DRAM1: variants seen among roughly 807,000 people sequenced by gnomAD.
DRAM1 encodes the protein DNA damage-regulated autophagy modulator protein 1.
Under a neutral mutation model 28.5 loss-of-function variants are expected in DRAM1, and 25 were observed. The observed-to-expected ratio is 0.88, with a 90% CI of 0.64 to 1.23. The LOEUF (loss-of-function observed/expected upper bound fraction) is 1.23. DRAM1 is among the 50% of genes most tolerant of loss of function. The pLI, the probability that DRAM1 is intolerant of heterozygous loss-of-function variation, is 0.00. For synonymous variants in DRAM1, 113 were observed against 114.2 expected, an observed-to-expected ratio of 0.99 and a Z score of 0.07; for missense variants, 249 against 299.2, an observed-to-expected ratio of 0.83 and a Z score of 1.24.
At chr12:101,882,634 T>C (rs1332932720) in intron 1 of DRAM1, among the ~76,000 whole-genome samples, 1 of 151,280 alleles carries the variant, frequency 6.6e-6, no homozygotes, top group East Asian at 2.1e-4. Context: ...AAATTAAAAC[T>C]CACTGATGCC....
intron 1 of DRAM1, among the ~76,000 whole-genome samples, chr12:101,896,985 C>G (rs1330844261): frequency 1.3e-5 from 2 of 152,028 alleles, no homozygotes; most frequent in South Asian, 4.1e-4. Context: ...TGAGGCTTCT[C>G]CATGTTGGTC....
intron 4 of DRAM1, among the ~76,000 whole-genome samples, chr12:101,911,425 C>T (rs915783922): frequency 3.3e-5 from 5 of 152,194 alleles, no homozygotes; most frequent in Admixed American, 2.0e-4. Context: ...TGAAAGCCTT[C>T]GCAGAACTCA....
chr12:101,921,292 G>T lies in DRAM1; in HGVS notation c.*32G>T. 1 of 1,582,756 alleles carries T rather than the reference G, an allele frequency of 6.3e-7. No individual in the cohort carries two copies. The highest frequency in any genetic ancestry group is 2.2e-5 in the East Asian group (1 of 44,700). On this transcript the variant is annotated 3_prime_UTR_variant, in exon 7 of 7. Transcript: ENST00000258534. ...AAGAATTCAGTCTCACTCAGTGAATGTCGCAGGCCATTTCTAAAAGTGCTA... is the reference window on the plus strand; with the variant it reads ...AAGAATTCAGTCTCACTCAGTGAATTTCGCAGGCCATTTCTAAAAGTGCTA...
At chr12:101,918,745 A>G (rs12305143) in intron 5 of DRAM1, among the ~76,000 whole-genome samples, 37,258 of 151,898 alleles carry the variant, frequency 0.25, 6,291 homozygotes, top group African/African-American at 0.49. Context: ...ATGCAGCTTC[A>G]GAAGGCATGG....
intron 5 of DRAM1, among the ~76,000 whole-genome samples, chr12:101,915,852 G>A (rs540491275): frequency 1.1e-4 from 16 of 152,184 alleles, no homozygotes; most frequent in South Asian, 2.1e-4. Context: ...GAACCACCAC[G>A]CCCAACCTGC....
intron 5 of DRAM1, among the ~76,000 whole-genome samples, chr12:101,914,910 G>A (rs1034015386): frequency 6.6e-6 from 1 of 151,634 alleles, no homozygotes; most frequent in Non-Finnish European, 1.5e-5. Context: ...CCCCCGTCTC[G>A]GCCTCCCAAA....
intron 1 of DRAM1, among the ~76,000 whole-genome samples, chr12:101,880,619 C>G (rs989126099): frequency 1.3e-5 from 2 of 152,070 alleles, no homozygotes; most frequent in Non-Finnish European, 2.9e-5. Context: ...AAACAGTAGT[C>G]ATGTTTGTCC....
At chr12:101,900,324 CAGA>C (rs879463328) in intron 2 of DRAM1, among the ~76,000 whole-genome samples, 7 of 152,054 alleles carry the variant, frequency 4.6e-5, no homozygotes, top group African/African-American at 1.7e-4. Flanking sequence ...ACACAAAACG[CAGA>C]AGAATTGATA....
rs1370209430 is a variant in DRAM1 at position 101,920,011 on chromosome 12, C to T, written c.580-98C>T. On this transcript the variant is annotated intron_variant, in intron 5 of 6. Coordinates refer to ENST00000258534, the MANE Select transcript of DRAM1 (RefSeq NM_018370.3). ...AAAGTTCTGACTTATGCTCACTGGA[C>T]AGCTTTTTCCTTTGGTTGAAACTCC... 1.3e-5 allele frequency: 10 copies of T among 779,316 alleles called. No homozygotes were observed. The East Asian group carries it at 2.6e-4, about 20-fold the overall frequency. The allele number at this position is 779,316 out of a possible 1,614,324, so 48.3% of individuals were successfully genotyped here.
chr12:101,898,116 G>T (rs977254155), intron 2 of DRAM1, among the ~76,000 whole-genome samples, 186 bp downstream of exon 2: 13 of 152,074 alleles, frequency 8.5e-5, no homozygotes, highest in African/African-American at 2.9e-4. Flanking sequence ...AACCTGCCAG[G>T]CTCAAGCAGT....
intron 3 of DRAM1, 53 bp downstream of exon 3, chr12:101,901,486 AAG>A: frequency 6.3e-7 from 1 of 1,587,608 alleles, no homozygotes; most frequent in South Asian, 1.1e-5. Flanking sequence ...TATGTGTCTG[AAG>A]AGAGCAGCAG....
Position 101,908,166 on chromosome 12 carries a change from A to G in DRAM1, c.343-20A>G, listed in dbSNP as rs939225818. ...GACAAACCCACCCAGAGTAACACAC[A>G]TTTATGACTTTTTCTCCAGGAGTTA... is the stretch of plus-strand genomic sequence containing the variant. On this transcript the variant is annotated intron_variant, in intron 3 of 6. Transcript: ENST00000258534. The G allele has an allele frequency of 6.3e-7, 1 of 1,595,454 alleles. No individual in the cohort carries two copies. Among genetic ancestry groups the G allele is most frequent in the Non-Finnish European group, 8.5e-7 (1 of 1,171,908 alleles).
chr12:101,919,709 G>A (rs890518039), intron 5 of DRAM1, among the ~76,000 whole-genome samples: 1 of 152,196 alleles, frequency 6.6e-6, no homozygotes, highest in East Asian at 1.9e-4. Context: ...GAACAACTGC[G>A]AGAGTGCTTG....
intron 2 of DRAM1, 84 bp from the exon 3 acceptor site, chr12:101,901,207 T>TA: frequency 6.7e-7 from 1 of 1,492,760 alleles, no homozygotes; most frequent in Non-Finnish European, 9.0e-7. Context: ...AGTACATTTT[T>TA]AAAAAGTGAT....
chr12:101,889,894 C>T (rs1400605484), intron 1 of DRAM1, among the ~76,000 whole-genome samples: 2 of 137,346 alleles, frequency 1.5e-5, no homozygotes, highest in Admixed American at 1.6e-4. Flanking sequence ...GAGCCGAGAT[C>T]GTGCCACTAC....
chr12:101,913,961 CTCA>C (rs1224846276), intron 4 of DRAM1, among the ~76,000 whole-genome samples: 1 of 152,062 alleles, frequency 6.6e-6, no homozygotes, highest in Non-Finnish European at 1.5e-5. Flanking sequence ...TGATTTAACT[CTCA>C]TCATTGAATT....
chr12:101,891,458 A>T (rs888699956), intron 1 of DRAM1, among the ~76,000 whole-genome samples: 1 of 152,216 alleles, frequency 6.6e-6, no homozygotes, highest in Non-Finnish European at 1.5e-5. Flanking sequence ...ATTATCCAGC[A>T]TGTTTTCTTT....
At chr12:101,902,267 T>C (rs748091819) in intron 3 of DRAM1, among the ~76,000 whole-genome samples, 6 of 152,230 alleles carry the variant, frequency 3.9e-5, no homozygotes, top group Non-Finnish European at 7.3e-5. Flanking sequence ...CCTTGTAAGA[T>C]AGGCACTATT....
chr12:101,898,688 G>A (rs1479553777), intron 2 of DRAM1, among the ~76,000 whole-genome samples: 1 of 152,144 alleles, frequency 6.6e-6, no homozygotes, highest in Non-Finnish European at 1.5e-5. Flanking sequence ...TGGGAGTGTG[G>A]GTTCCTGAAG....
Sources: gnomAD v4.1 joint callset for allele counts (sites outside exome capture counted in the v4.1 genomes callset) on GRCh38, gnomAD v4.1.1 for gene constraint, MANE v1.5 for transcripts, NCBI Gene and HGNC (gene_info 2026-07-23, HGNC 2026-07-21) for gene names.